PDE1C: variants seen among roughly 807,000 people sequenced by gnomAD.
PDE1C encodes dual specificity calcium/calmodulin-dependent 3',5'-cyclic nucleotide phosphodiesterase 1C.
In PDE1C, 62 loss-of-function variants were observed where a neutral mutation model predicts 93.1. The ratio of observed to expected loss-of-function variants is 0.67; its 90% CI spans 0.54 to 0.82. The LOEUF (loss-of-function observed/expected upper bound fraction) is 0.82, where lower values mean the gene tolerates loss of function less well. Among genes scored for constraint, PDE1C ranks in the 40% least tolerant of loss-of-function variants. PDE1C has a pLI of 0.00. For synonymous variants in PDE1C, 325 were observed against 310.1 expected (o/e 1.05, Z -0.50); for missense variants, 742 against 884.6 (o/e 0.84, Z 2.04).
chr7:31,627,828 T>C, the PDE1C span, among the ~76,000 whole-genome samples: 4 of 152,116 alleles, frequency 2.6e-5, no homozygotes, highest in East Asian at 7.7e-4. Flanking sequence ...AGGAGATTAA[T>C]TGGAATTAAA....
At chr7:31,993,814 A>C (rs956931339) in intron 2 of PDE1C, among the ~76,000 whole-genome samples, 1 of 152,170 alleles carries the variant, frequency 6.6e-6, no homozygotes, top group Admixed American at 6.5e-5. Context: ...TTTCTTCCTC[A>C]TCAGTAAAAA....
At chr7:32,419,307 T>C (rs1390094486) in intron 1 of PDE1C, among the ~76,000 whole-genome samples, 2 of 152,158 alleles carry the variant, frequency 1.3e-5, no homozygotes, top group African/African-American at 4.8e-5. Flanking sequence ...CTCCAGAATA[T>C]TTATAAGACA....
Position 32,113,441 on chromosome 7 carries a change from T to A in PDE1C, c.308+56344A>T, listed in dbSNP as rs934685771. 1.2e-4 allele frequency among the ~76,000 whole-genome samples: 18 copies of A among 151,080 alleles called. No homozygotes were observed. In the East Asian group the frequency reaches 3.5e-3, roughly 29 times the overall value. ...GTTATAGCTTTATAATATATTTTTC[T>A]AATAGCAAAAATCCTCCCTCATTGT... On this transcript the variant is annotated intron_variant, in intron 3 of 18. Transcript: ENST00000396193.
chr7:31,797,726 T>C (rs1226812389), intron 16 of PDE1C, among the ~76,000 whole-genome samples: 1 of 147,762 alleles, frequency 6.8e-6, no homozygotes, highest in African/African-American at 2.5e-5. Flanking sequence ...TAGTCTAAAG[T>C]GGACAAAAAA....
chr7:32,236,893 C>T (rs1047145143), intron 1 of PDE1C, among the ~76,000 whole-genome samples: 3 of 151,996 alleles, frequency 2.0e-5, no homozygotes, highest in African/African-American at 7.3e-5. Flanking sequence ...AACCCAAATG[C>T]CCTTCAGTGG....
At chr7:32,178,362 T>A (rs1266062947) in intron 2 of PDE1C, among the ~76,000 whole-genome samples, 2 of 152,148 alleles carry the variant, frequency 1.3e-5, no homozygotes, top group Non-Finnish European at 2.9e-5. Context: ...TCTCCACAAA[T>A]GTGGGCAGAA....
intron 2 of PDE1C, among the ~76,000 whole-genome samples, chr7:32,038,841 A>G (rs1791451369): frequency 1.3e-5 from 2 of 152,324 alleles, no homozygotes; most frequent in Admixed American, 6.5e-5. Flanking sequence ...ATTTCTTTCT[A>G]TTCAAAATAA....
chr7:32,315,761 C>T (rs1401326935), intron 1 of PDE1C, among the ~76,000 whole-genome samples: 3 of 152,120 alleles, frequency 2.0e-5, no homozygotes, highest in Non-Finnish European at 4.4e-5. Context: ...TTTGGGAGGC[C>T]GAGGTGGGTG....
intron 2 of PDE1C, among the ~76,000 whole-genome samples, chr7:32,201,679 G>A (rs996159891): frequency 1.3e-5 from 2 of 152,182 alleles, no homozygotes; most frequent in Non-Finnish European, 2.9e-5. Flanking sequence ...AATGGAGGAG[G>A]ATGAGGATAA....
At chr7:31,813,359 G>T (rs1029109436) in intron 15 of PDE1C, among the ~76,000 whole-genome samples, 3 of 152,118 alleles carry the variant, frequency 2.0e-5, no homozygotes, top group African/African-American at 7.2e-5. Flanking sequence ...CCAGGGTGCT[G>T]GGGTGGGGGA....
intron 2 of PDE1C, among the ~76,000 whole-genome samples, chr7:32,000,994 G>A (rs1452252263): frequency 4.8e-5 from 3 of 62,626 alleles, no homozygotes; most frequent in East Asian, 3.2e-4. Context: ...GTGTGTATAC[G>A]TGTGTGTGTG....
intron 2 of PDE1C, among the ~76,000 whole-genome samples, chr7:31,966,193 T>C (rs1431858313): frequency 6.6e-6 from 1 of 152,138 alleles, no homozygotes; most frequent in Non-Finnish European, 1.5e-5. Context: ...GACCCATCAG[T>C]GTGCTGTATT....
At chr7:31,774,011 G>A (rs964259257) in intron 17 of PDE1C, among the ~76,000 whole-genome samples, 16 of 152,246 alleles carry the variant, frequency 1.1e-4, no homozygotes, top group South Asian at 6.2e-4. Context: ...TTCGGCGGAT[G>A]TGGAGTCCAC....
intron 17 of PDE1C, among the ~76,000 whole-genome samples, chr7:31,759,146 T>A (rs1483549035): frequency 6.6e-6 from 1 of 152,224 alleles, no homozygotes; most frequent in Non-Finnish European, 1.5e-5. Context: ...AAGGAAAATT[T>A]CGTACATTGC....
intron 2 of PDE1C, among the ~76,000 whole-genome samples, chr7:32,190,295 C>T (rs1804148578): frequency 6.6e-6 from 1 of 152,190 alleles, no homozygotes; most frequent in Non-Finnish European, 1.5e-5. Context: ...ATTTCACAGC[C>T]TACAAAACTG....
the PDE1C span, among the ~76,000 whole-genome samples, chr7:31,718,182 T>C: frequency 1.7e-3 from 263 of 152,058 alleles, 1 homozygote; most frequent in African/African-American, 6.1e-3. Flanking sequence ...GGTGGGACCA[T>C]AGGAGTCCTT....
intron 2 of PDE1C, among the ~76,000 whole-genome samples, chr7:32,205,406 T>C (rs1805359228): frequency 6.6e-6 from 1 of 152,218 alleles, no homozygotes; most frequent in Non-Finnish European, 1.5e-5. Context: ...TAAAGGATTG[T>C]AAATGCACCA....
the PDE1C span, chr7:31,652,013 G>A: frequency 6.2e-7 from 1 of 1,604,688 alleles, no homozygotes; most frequent in African/African-American, 1.3e-5. Context: ...TTTCAGTTAG[G>A]AGACCGGGCT....
chr7:31,739,981 T>C, the PDE1C span, among the ~76,000 whole-genome samples: 1 of 152,210 alleles, frequency 6.6e-6, no homozygotes, highest in Non-Finnish European at 1.5e-5. Context: ...CCAAAACCGA[T>C]CTGCCTGAGA....
Sources: allele counts gnomAD v4.1 joint callset (sites outside exome capture counted in the v4.1 genomes callset), GRCh38; gene constraint gnomAD v4.1.1; transcripts MANE v1.5; gene names NCBI Gene and HGNC (gene_info 2026-07-23, HGNC 2026-07-21).